The following GAREM1 variants were observed in gnomAD, a reference collection of about 807,000 sequenced individuals.
GAREM1 encodes the protein GRB2-associated and regulator of MAPK protein 1.
In GAREM1, 26 loss-of-function variants were observed where a neutral mutation model predicts 71.3. That is an observed-to-expected ratio of 0.36 (90% CI 0.27 to 0.51). The LOEUF (loss-of-function observed/expected upper bound fraction) is 0.51, where lower values mean the gene tolerates loss of function less well. Among genes scored for constraint, GAREM1 ranks in the 20% least tolerant of loss-of-function variants. The pLI, the probability that GAREM1 is intolerant of heterozygous loss-of-function variation, is 0.95. For synonymous variants in GAREM1, 440 were observed against 433.2 expected (o/e 1.02, Z -0.20); for missense variants, 1,026 against 1,103.1 (o/e 0.93, Z 0.99).
At chr18:32,434,205 A>AAAAG (rs746976504) in intron 1 of GAREM1, among the ~76,000 whole-genome samples, 1 of 152,232 alleles carries the variant, frequency 6.6e-6, no homozygotes, top group Non-Finnish European at 1.5e-5. Context: ...AGGACTATCA[A>AAAAG]AAAGAACCTT....
At chr18:32,302,292 C>A (rs1357885363) in intron 3 of GAREM1, among the ~76,000 whole-genome samples, 1 of 152,136 alleles carries the variant, frequency 6.6e-6, no homozygotes, top group Non-Finnish European at 1.5e-5. Context: ...CAGGATTAGG[C>A]AACGTCTAAG....
rs572677424 is a variant in GAREM1 at position 32,416,342 on chromosome 18, C to A, written c.122-23307G>T. ...ACAATCCCTACCAAAATACCAATGT[C>A]ATTCTTCACAGAAACAGAAAAACAA... On this transcript the variant is annotated intron_variant, in intron 1 of 5. Coordinates refer to ENST00000269209, the MANE Select transcript of GAREM1 (RefSeq NM_001242409.2). Among the ~76,000 whole-genome samples, 194 of 152,256 alleles carry A rather than the reference C, an allele frequency of 1.3e-3. 1 individual carries two copies. Among genetic ancestry groups the A allele is most frequent in the African/African-American group, 4.5e-3 (186 of 41,572 alleles).
At chr18:32,388,389 C>A (rs989292768) in intron 2 of GAREM1, among the ~76,000 whole-genome samples, 6 of 152,126 alleles carry the variant, frequency 3.9e-5, no homozygotes, top group Non-Finnish European at 8.8e-5. Context: ...AGACAGGAAT[C>A]ATCAATAACT....
intron 1 of GAREM1, among the ~76,000 whole-genome samples, chr18:32,467,748 C>G (rs553567037): frequency 9.2e-4 from 140 of 152,090 alleles, no homozygotes; most frequent in Non-Finnish European, 1.7e-3. Flanking sequence ...AAATGACTAT[C>G]TTTCATGTCT....
In GAREM1 at chr18:32,443,986, T is replaced by C. The variant is rs184347430; in HGVS notation, c.121+26322A>G. Among the ~76,000 whole-genome samples the C allele has an allele frequency of 1.4e-4, 22 of 152,194 alleles. No homozygotes were observed. The East Asian group carries it at 4.2e-3, about 29-fold the overall frequency. On this transcript the variant is annotated intron_variant, in intron 1 of 5. Coordinates refer to ENST00000269209, the MANE Select transcript of GAREM1 (RefSeq NM_001242409.2). ...CCTACGACATGATGAACCTTGAAAA[T>C]GCTATGTTCAGTGTAAGAAGTCAGT...
rs542410404 is a variant in GAREM1, at chr18:32,357,617, C to G, written c.262+35278G>C. Among the ~76,000 whole-genome samples the G allele has an allele frequency of 5.9e-5, 9 of 152,340 alleles. No individual in the cohort carries two copies. In the East Asian group the frequency reaches 1.7e-3, roughly 29 times the overall value. On this transcript the variant is annotated intron_variant, in intron 2 of 5. Coordinates refer to ENST00000269209, the MANE Select transcript of GAREM1 (RefSeq NM_001242409.2). ...TGTTGCATCAGCTCTTCCTAGCACT[C>G]CCAGGCATGCCTGAGTTAATGTTAC...
intron 1 of GAREM1, among the ~76,000 whole-genome samples, chr18:32,459,858 A>C (rs1436916036): frequency 6.6e-6 from 1 of 152,170 alleles, no homozygotes; most frequent in African/African-American, 2.4e-5. Flanking sequence ...GCATCTGCAC[A>C]GACAGCTGTC....
At position 32,392,930 on chromosome 18, in the gene GAREM1, A is replaced by G; in HGVS notation, c.227T>C (p.Ile76Thr). Residue 76 changes from isoleucine to threonine, a missense_variant, in exon 2 of 6, where the codon ATT (isoleucine) becomes ACT (threonine). Transcript: ENST00000269209. ...TACCGGAATCTCTATCTTTGGCCCA[A>G]TGACATAGTGACCCTCCTCCAAGCT... ...AHSLEEGHYV[I>T]GPKIEIPVHY... The G allele has an allele frequency of 6.2e-7, 1 of 1,613,852 alleles. No homozygotes were observed. Among genetic ancestry groups the G allele is most frequent in the Non-Finnish European group, 8.5e-7 (1 of 1,179,878 alleles).
intron 1 of GAREM1, among the ~76,000 whole-genome samples, chr18:32,441,879 G>C (rs2048741359): frequency 6.6e-6 from 1 of 152,148 alleles, no homozygotes. Context: ...AACCTACCAA[G>C]TCCCTTGGAA....
intron 3 of GAREM1, among the ~76,000 whole-genome samples, chr18:32,293,753 C>T (rs1415326545): frequency 6.6e-6 from 1 of 152,062 alleles, no homozygotes; most frequent in Non-Finnish European, 1.5e-5. Flanking sequence ...GAGAATATAC[C>T]TTGGACAGTA....
chr18:32,378,557 G>A (rs2048063020), intron 2 of GAREM1, among the ~76,000 whole-genome samples: 1 of 151,932 alleles, frequency 6.6e-6, no homozygotes, highest in Admixed American at 6.6e-5. Context: ...TACACCTTGG[G>A]AAAACATAGA....
At chr18:32,393,344 G>C (rs1335546571) in intron 1 of GAREM1, among the ~76,000 whole-genome samples, 1 of 152,028 alleles carries the variant, frequency 6.6e-6, no homozygotes, top group Non-Finnish European at 1.5e-5. Context: ...TAAGTGCCTA[G>C]AATATATTAG....
At chr18:32,345,028 C>T (rs1460355082) in intron 2 of GAREM1, among the ~76,000 whole-genome samples, 1 of 152,182 alleles carries the variant, frequency 6.6e-6, no homozygotes, top group Non-Finnish European at 1.5e-5. Flanking sequence ...TGCCACGGCA[C>T]TCCAGCCTGG....
intron 1 of GAREM1, among the ~76,000 whole-genome samples, chr18:32,419,431 G>A (rs2048499600): frequency 6.6e-6 from 1 of 152,132 alleles, no homozygotes; most frequent in Admixed American, 6.5e-5. Flanking sequence ...TAAGATTAGT[G>A]AAGGGACCCC....
chr18:32,387,935 A>C (rs900303621), intron 2 of GAREM1, among the ~76,000 whole-genome samples: 1 of 152,212 alleles, frequency 6.6e-6, no homozygotes, highest in African/African-American at 2.4e-5. Context: ...ATGGCTGCCC[A>C]GGCTGTGCAC....
chr18:32,395,977 C>T (rs985531572), intron 1 of GAREM1, among the ~76,000 whole-genome samples: 33 of 152,230 alleles, frequency 2.2e-4, no homozygotes, highest in African/African-American at 7.0e-4. Flanking sequence ...TCCAGAGGAA[C>T]AATCAGGCAG....
chr18:32,425,362 T>C (rs2048564377), intron 1 of GAREM1, among the ~76,000 whole-genome samples: 1 of 152,202 alleles, frequency 6.6e-6, no homozygotes, highest in Admixed American at 6.5e-5. Context: ...TAAGTAAAAA[T>C]TGTTATCTTT....
chr18:32,314,065 C>A (rs911722099), intron 2 of GAREM1, among the ~76,000 whole-genome samples: 4 of 150,376 alleles, frequency 2.7e-5, no homozygotes, highest in Admixed American at 2.6e-4. Flanking sequence ...GAATATGTTA[C>A]AGTACATACT....
intron 2 of GAREM1, among the ~76,000 whole-genome samples, chr18:32,366,652 T>C (rs796219826): frequency 1.3e-5 from 2 of 152,376 alleles, no homozygotes; most frequent in African/African-American, 4.8e-5. Flanking sequence ...GACAGTCTAA[T>C]GATCACATCA....
Sources: allele counts gnomAD v4.1 joint callset (sites outside exome capture counted in the v4.1 genomes callset), GRCh38; gene constraint gnomAD v4.1.1; transcripts MANE v1.5; gene names NCBI Gene and HGNC (gene_info 2026-07-23, HGNC 2026-07-21).